CAMK4: variants seen among roughly 807,000 people sequenced by gnomAD.
The protein encoded by CAMK4 is calcium/calmodulin-dependent protein kinase type IV.
Under a neutral mutation model 44.9 loss-of-function variants are expected in CAMK4, and 22 were observed. The ratio of observed to expected loss-of-function variants is 0.49; its 90% CI spans 0.35 to 0.70. The LOEUF (loss-of-function observed/expected upper bound fraction) is 0.70, where lower values mean the gene tolerates loss of function less well. Ranked by LOEUF, CAMK4 falls within the 30% of genes least tolerant of loss-of-function variation. The probability of loss-of-function intolerance (pLI) is 0.01; values close to 1 mark genes in which losing one functional copy is unlikely to be tolerated. For missense variants in CAMK4, 498 were observed against 586.8 expected (o/e 0.85, Z 1.56); for synonymous variants, 218 against 215.4 (o/e 1.01, Z -0.11).
chr5:111,340,875 A>C (rs969132713), intron 1 of CAMK4, among the ~76,000 whole-genome samples: 1 of 150,550 alleles, frequency 6.6e-6, no homozygotes, highest in African/African-American at 2.4e-5. Context: ...AAACTATTAC[A>C]ATTTCAATCT....
At chr5:111,401,495 C>G (rs564259896) in intron 5 of CAMK4, among the ~76,000 whole-genome samples, 43 of 150,470 alleles carry the variant, frequency 2.9e-4, no homozygotes, top group African/African-American at 7.4e-4. Flanking sequence ...CCAGAAGAAT[C>G]TAACCCTTTA....
chr5:111,453,972 G>A (rs1172214116), intron 7 of CAMK4, among the ~76,000 whole-genome samples: 1 of 152,076 alleles, frequency 6.6e-6, no homozygotes, highest in African/African-American at 2.4e-5. Context: ...CTGGTTAATC[G>A]GTATGTGAAA....
chr5:111,341,328 C>T (rs1245500729), intron 1 of CAMK4, among the ~76,000 whole-genome samples: 1 of 150,906 alleles, frequency 6.6e-6, no homozygotes, highest in Non-Finnish European at 1.5e-5. Context: ...TTTACAGTTC[C>T]TGGTTTTGCA....
chr5:111,250,058 C>A (rs1749421590), intron 1 of CAMK4, among the ~76,000 whole-genome samples: 1 of 152,122 alleles, frequency 6.6e-6, no homozygotes, highest in Non-Finnish European at 1.5e-5. Flanking sequence ...TACCCCAGGA[C>A]TACCTGATTA....
chr5:111,418,585 C>G (rs1580726093), intron 5 of CAMK4, among the ~76,000 whole-genome samples: 1 of 150,574 alleles, frequency 6.6e-6, no homozygotes, highest in African/African-American at 2.4e-5. Flanking sequence ...AATGCTATCC[C>G]TCCCACCTCC....
intron 4 of CAMK4, among the ~76,000 whole-genome samples, chr5:111,381,307 A>T (rs936127943): frequency 2.6e-5 from 4 of 152,302 alleles, no homozygotes; most frequent in Admixed American, 1.3e-4. Flanking sequence ...AGTTCCACAA[A>T]AGGCCACCTG....
intron 1 of CAMK4, among the ~76,000 whole-genome samples, chr5:111,243,859 T>C (rs1463901592): frequency 6.6e-6 from 1 of 152,256 alleles, no homozygotes; most frequent in Non-Finnish European, 1.5e-5. Flanking sequence ...GAATGCAACA[T>C]GCATTCATCT....
At chr5:111,311,879 T>A (rs995479559) in intron 1 of CAMK4, among the ~76,000 whole-genome samples, 3 of 152,160 alleles carry the variant, frequency 2.0e-5, no homozygotes, top group Non-Finnish European at 4.4e-5. Flanking sequence ...GGTGATGTTG[T>A]GTTGTTGCTA....
At chr5:111,454,203 G>A (rs1289869804) in intron 7 of CAMK4, among the ~76,000 whole-genome samples, 1 of 152,268 alleles carries the variant, frequency 6.6e-6, no homozygotes, top group African/African-American at 2.4e-5. Context: ...TTGTTTCGTT[G>A]CTTGTTAGGA....
At chr5:111,281,930 C>T (rs1054276132) in intron 1 of CAMK4, among the ~76,000 whole-genome samples, 23 of 151,610 alleles carry the variant, frequency 1.5e-4, no homozygotes, top group South Asian at 6.3e-4. Context: ...AGGTGGCGGG[C>T]GCCTGTAGTC....
intron 1 of CAMK4, among the ~76,000 whole-genome samples, chr5:111,317,136 G>A (rs1580578948): frequency 6.6e-6 from 1 of 151,990 alleles, no homozygotes; most frequent in Non-Finnish European, 1.5e-5. Flanking sequence ...CCTGTAAGAG[G>A]GACTAAATAT....
chr5:111,331,552 G>C (rs1311305127), intron 1 of CAMK4, among the ~76,000 whole-genome samples: 2 of 151,648 alleles, frequency 1.3e-5, no homozygotes, highest in South Asian at 2.1e-4. Context: ...ATTGAGGCTC[G>C]AGTAAGATCA....
intron 1 of CAMK4, chr5:111,266,251 G>A (rs1420474704): frequency 6.6e-6 from 1 of 151,370 alleles, no homozygotes; most frequent in Non-Finnish European, 1.5e-5. Flanking sequence ...CAGAAAGAGA[G>A]AGAGAGAGAC....
At chr5:111,463,714 A>G (rs191917871) in intron 7 of CAMK4, among the ~76,000 whole-genome samples, 280 of 152,320 alleles carry the variant, frequency 1.8e-3, no homozygotes, top group African/African-American at 6.5e-3. Context: ...CAGCAGCTCC[A>G]CTGGGTGGCT....
At chr5:111,254,264 A>T (rs540311441) in intron 1 of CAMK4, among the ~76,000 whole-genome samples, 47 of 152,330 alleles carry the variant, frequency 3.1e-4, no homozygotes, top group African/African-American at 1.1e-3. Flanking sequence ...ACAGAAACTG[A>T]CAGGAAATGA....
chr5:111,363,439 C>T lies in CAMK4; in HGVS notation c.241-11411C>T, dbSNP rs117357816. On this transcript the variant is annotated intron_variant, in intron 2 of 10. Coordinates refer to ENST00000282356, the MANE Select transcript of CAMK4 (RefSeq NM_001744.6). ...TTAAATGCCAGGTATTGGTAAATAACGCCAAAGATAGCATATGTAGAAAAC... is the reference window on the plus strand; with the variant it reads ...TTAAATGCCAGGTATTGGTAAATAATGCCAAAGATAGCATATGTAGAAAAC... Among the ~76,000 whole-genome samples, 339 of 152,146 alleles carry T rather than the reference C, an allele frequency of 2.2e-3. 8 individuals carry two copies. The East Asian group carries it at 0.031, about 14-fold the overall frequency.
chr5:111,483,469 A>G (rs1407672436), intron 10 of CAMK4, among the ~76,000 whole-genome samples: 3 of 152,216 alleles, frequency 2.0e-5, no homozygotes, highest in African/African-American at 4.8e-5. Flanking sequence ...AGGACTAGCT[A>G]TGTAAGTAGA....
rs180707184 is a variant in CAMK4 at position 111,388,524 on chromosome 5, T to C, written c.387-6186T>C. The stretch of plus-strand genomic sequence containing the variant: ...CATCTGAAAAATTTCTATACACCTT[T>C]CAGGTGTGAGCTGAGATATAGCTAT... On this transcript the variant is annotated intron_variant, in intron 4 of 10. Transcript: ENST00000282356. Among the ~76,000 whole-genome samples, 5 of 152,268 alleles carry C rather than the reference T, an allele frequency of 3.3e-5. No individual in the cohort carries two copies. In the East Asian group the frequency reaches 9.7e-4, roughly 29 times the overall value.
chr5:111,401,360 C>G (rs200363046), intron 5 of CAMK4, among the ~76,000 whole-genome samples: 1 of 152,016 alleles, frequency 6.6e-6, no homozygotes, highest in Admixed American at 6.6e-5. Flanking sequence ...GCTGTCAGTA[C>G]TGCATTTCTT....
Sources: gnomAD v4.1 joint callset for allele counts (sites outside exome capture counted in the v4.1 genomes callset) on GRCh38, gnomAD v4.1.1 for gene constraint, MANE v1.5 for transcripts, NCBI Gene and HGNC (gene_info 2026-07-23, HGNC 2026-07-21) for gene names.